LIMCH1: variants seen among roughly 807,000 people sequenced by gnomAD.
LIMCH1 encodes LIM and calponin homology domains 1.
LIMCH1 carries 113 observed loss-of-function variants against 176.5 expected under a neutral mutation model. The observed-to-expected ratio is 0.64, with a 90% CI of 0.55 to 0.75. The LOEUF is 0.75. Ranked by LOEUF, LIMCH1 falls within the 30% of genes least tolerant of loss-of-function variation. The probability of loss-of-function intolerance (pLI) is 0.00; values close to 1 mark genes in which losing one functional copy is unlikely to be tolerated. For synonymous variants in LIMCH1, 619 were observed against 645.9 expected (o/e 0.96, Z 0.63); for missense variants, 1,674 against 1,814.9 (o/e 0.92, Z 1.41).
intron 1 of LIMCH1, among the ~76,000 whole-genome samples, chr4:41,439,412 C>A (rs1582187596): frequency 1.3e-5 from 2 of 151,898 alleles, no homozygotes; most frequent in South Asian, 2.1e-4. Context: ...ATGGTGAAAC[C>A]CCCATCTCTA....
chr4:41,677,460 A>G (rs1281968023), intron 23 of LIMCH1, among the ~76,000 whole-genome samples: 1 of 152,204 alleles, frequency 6.6e-6, no homozygotes, highest in Non-Finnish European at 1.5e-5. Flanking sequence ...CCTTTGGGTA[A>G]AAGCTACTGA....
At chr4:41,427,125 A>C (rs73136629) in intron 1 of LIMCH1, among the ~76,000 whole-genome samples, 191 of 152,332 alleles carry the variant, frequency 1.3e-3, no homozygotes, top group African/African-American at 4.3e-3. Context: ...GCAGGACTTA[A>C]GTTATTTTAC....
chr4:41,592,069 C>T (rs914370713), intron 1 of LIMCH1, among the ~76,000 whole-genome samples: 1 of 152,242 alleles, frequency 6.6e-6, no homozygotes, highest in African/African-American at 2.4e-5. Context: ...GCCCCCTCCT[C>T]CTGCCCCTTC....
At chr4:41,462,597 C>T (rs1397455405) in intron 1 of LIMCH1, among the ~76,000 whole-genome samples, 2 of 152,156 alleles carry the variant, frequency 1.3e-5, no homozygotes, top group African/African-American at 2.4e-5. Context: ...GAAAAGCATA[C>T]GTAAGTCATC....
At chr4:41,481,210 C>T (rs879858230) in intron 1 of LIMCH1, among the ~76,000 whole-genome samples, 3 of 152,150 alleles carry the variant, frequency 2.0e-5, no homozygotes, top group Non-Finnish European at 2.9e-5. Context: ...CAGGGCTGGA[C>T]TTCTGTGCTG....
intron 1 of LIMCH1, among the ~76,000 whole-genome samples, chr4:41,368,505 CT>C (rs1225200160): frequency 6.6e-6 from 1 of 152,044 alleles, no homozygotes; most frequent in Non-Finnish European, 1.5e-5. Context: ...GAAAAGCACT[CT>C]TTAAAAAGAC....
chr4:41,597,675 A>G lies in LIMCH1; in HGVS notation c.-240-1245A>G, dbSNP rs371771952. 7.2e-5 allele frequency among the ~76,000 whole-genome samples: 11 copies of G among 152,344 alleles called. No homozygotes were observed. The East Asian group carries it at 2.1e-3, about 29-fold the overall frequency. On this transcript the variant is annotated intron_variant, in intron 1 of 31. Transcript: ENST00000503057. ...TCATCTCCTTGCAGCTATAGAATTC[A>G]TGGCCAGCATGAATTCTGACCTCAC... is the stretch of plus-strand genomic sequence containing the variant.
At chr4:41,419,378 G>A (rs534154542) in intron 1 of LIMCH1, among the ~76,000 whole-genome samples, 2 of 151,760 alleles carry the variant, frequency 1.3e-5, no homozygotes, top group African/African-American at 4.8e-5. Flanking sequence ...GGGTTTCACT[G>A]TGTTGGCCAG....
intron 18 of LIMCH1, among the ~76,000 whole-genome samples, chr4:41,654,114 G>A (rs1019898072): frequency 2.0e-5 from 3 of 152,160 alleles, no homozygotes; most frequent in Non-Finnish European, 2.9e-5. Context: ...ATAGAACAAC[G>A]TAGAATTAAA....
intron 1 of LIMCH1, among the ~76,000 whole-genome samples, chr4:41,369,636 C>CA (rs2053639695): frequency 6.6e-6 from 1 of 151,836 alleles, no homozygotes; most frequent in African/African-American, 2.4e-5. Flanking sequence ...CAGTTTTTGC[C>CA]TTTTTTTTAG....
intron 1 of LIMCH1, among the ~76,000 whole-genome samples, chr4:41,399,840 A>ATT (rs71198650): frequency 5.3e-5 from 6 of 114,116 alleles, no homozygotes; most frequent in East Asian, 2.4e-4. Context: ...TGCCCGGCTA[A>ATT]TTTTTTTTTT....
At chr4:41,572,829 A>G (rs1456127468) in intron 1 of LIMCH1, among the ~76,000 whole-genome samples, 1 of 152,194 alleles carries the variant, frequency 6.6e-6, no homozygotes, top group African/African-American at 2.4e-5. Flanking sequence ...GGAATGAGGA[A>G]ACTGAAAGAG....
intron 18 of LIMCH1, among the ~76,000 whole-genome samples, chr4:41,656,649 C>G (rs546964375): frequency 2.0e-5 from 3 of 152,234 alleles, no homozygotes; most frequent in Non-Finnish European, 4.4e-5. Context: ...AAAAGAGAAA[C>G]CCATGCACAG....
intron 10 of LIMCH1, among the ~76,000 whole-genome samples, chr4:41,632,023 G>A (rs1251161484): frequency 2.0e-5 from 3 of 152,178 alleles, no homozygotes; most frequent in African/African-American, 7.2e-5. Flanking sequence ...TAAGTCGAGA[G>A]TTTCCTTGGA....
intron 1 of LIMCH1, among the ~76,000 whole-genome samples, chr4:41,548,242 G>A (rs114126647): frequency 2.1e-3 from 316 of 152,124 alleles, no homozygotes; most frequent in Non-Finnish European, 3.1e-3. Flanking sequence ...CACTAGCCAA[G>A]TCAGTTTGAG....
chr4:41,500,685 C>T lies in LIMCH1; in HGVS notation c.167+6079C>T, dbSNP rs142602522. Among the ~76,000 whole-genome samples the T allele has an allele frequency of 3.4e-3, 513 of 152,310 alleles. 1 individual carries two copies. Among genetic ancestry groups the T allele is most frequent in the African/African-American group, 0.012 (496 of 41,566 alleles). Reference sequence around the variant, plus strand: ...TGTCCTGCCCTGGCCAATGTTCGGACAGAATCACCAATATGACTATGTTGG... The same window carrying T: ...TGTCCTGCCCTGGCCAATGTTCGGATAGAATCACCAATATGACTATGTTGG... On this transcript the variant is annotated intron_variant, in intron 2 of 26. Transcript: ENST00000313860.
At chr4:41,388,607 T>C (rs893105117) in intron 1 of LIMCH1, among the ~76,000 whole-genome samples, 5 of 152,110 alleles carry the variant, frequency 3.3e-5, no homozygotes, top group African/African-American at 1.2e-4. Flanking sequence ...ACTTTTACAA[T>C]GGGTGAATTT....
chr4:41,653,172 C>T (rs2094358366), intron 18 of LIMCH1, among the ~76,000 whole-genome samples: 1 of 152,112 alleles, frequency 6.6e-6, no homozygotes, highest in Non-Finnish European at 1.5e-5. Flanking sequence ...TCATCATACT[C>T]ACATGCAACT....
chr4:41,527,227 G>A (rs1317374175), intron 3 of LIMCH1, among the ~76,000 whole-genome samples: 2 of 152,248 alleles, frequency 1.3e-5, no homozygotes, highest in East Asian at 1.9e-4. Flanking sequence ...GTTAATACTC[G>A]AGAGAGATAA....
Sources: allele counts gnomAD v4.1 joint callset (sites outside exome capture counted in the v4.1 genomes callset), GRCh38; gene constraint gnomAD v4.1.1; transcripts MANE v1.5; gene names NCBI Gene and HGNC (gene_info 2026-07-23, HGNC 2026-07-21).